CDC42BPB: variants seen among roughly 807,000 people sequenced by gnomAD.
CDC42BPB encodes the protein serine/threonine-protein kinase MRCK beta.
In CDC42BPB, 37 loss-of-function variants were observed where a neutral mutation model predicts 214.9. That is an observed-to-expected ratio of 0.17 (90% CI 0.13 to 0.23). The LOEUF is 0.23. CDC42BPB is among the 10% of genes least tolerant of loss of function. The probability of loss-of-function intolerance (pLI) is 1.00; values close to 1 mark genes in which losing one functional copy is unlikely to be tolerated. For synonymous variants in CDC42BPB, 931 were observed against 884.0 expected (o/e 1.05, Z -0.94); for missense variants, 1,694 against 2,227.0 (o/e 0.76, Z 4.82).
intron 18 of CDC42BPB, 135 bp from the exon 19 acceptor site, chr14:102,964,785 G>A (rs1267302169): frequency 3.8e-6 from 5 of 1,319,624 alleles, no homozygotes; most frequent in Admixed American, 3.9e-5. Context: ...AATTATGGAG[G>A]TGCCTCAGGA....
At chr14:103,032,696 G>T (rs1416552232) in intron 1 of CDC42BPB, among the ~76,000 whole-genome samples, 1 of 142,908 alleles carries the variant, frequency 7.0e-6, no homozygotes, top group Non-Finnish European at 1.5e-5. Context: ...GCAGTGGTGT[G>T]ATCTAGGCTC....
intron 24 of CDC42BPB, among the ~76,000 whole-genome samples, chr14:102,951,010 T>A (rs977361649): frequency 6.6e-6 from 1 of 151,894 alleles, no homozygotes; most frequent in African/African-American, 2.4e-5. Context: ...AATGATCAAG[T>A]CTCACATCAA....
intron 2 of CDC42BPB, among the ~76,000 whole-genome samples, chr14:103,010,737 A>G (rs1227440241): frequency 6.6e-6 from 1 of 152,246 alleles, no homozygotes; most frequent in Admixed American, 6.5e-5. Context: ...GCACAGTTTA[A>G]GAAGCAAAAC....
At chr14:102,951,985 C>T (rs891386324) in intron 24 of CDC42BPB, among the ~76,000 whole-genome samples, 1 of 152,168 alleles carries the variant, frequency 6.6e-6, no homozygotes, top group Non-Finnish European at 1.5e-5. Context: ...CAGAGGCGCA[C>T]AGCACAATGG....
intron 1 of CDC42BPB, among the ~76,000 whole-genome samples, chr14:103,039,182 A>G (rs1034528444): frequency 1.3e-5 from 2 of 151,140 alleles, no homozygotes; most frequent in Admixed American, 6.6e-5. Context: ...TCACAGGTGC[A>G]TCTACCAAAC....
At chr14:103,046,388 G>A (rs1035659095) in intron 1 of CDC42BPB, among the ~76,000 whole-genome samples, 1 of 152,166 alleles carries the variant, frequency 6.6e-6, no homozygotes, top group South Asian at 2.1e-4. Context: ...CATACAGGGA[G>A]TTTCCAATCG....
intron 1 of CDC42BPB, among the ~76,000 whole-genome samples, chr14:103,022,500 GCACATGC>G (rs1460606699): frequency 6.6e-6 from 1 of 152,124 alleles, no homozygotes; most frequent in Non-Finnish European, 1.5e-5. Flanking sequence ...GGGACTACAG[GCACATGC>G]CACCACGCCC....
In CDC42BPB at chr14:102,944,631, C is replaced by T. The variant is rs1166104827; in HGVS notation, c.3812-144G>A. 1.4e-6 allele frequency: 2 copies of T among 1,447,802 alleles called. No individual in the cohort carries two copies. Among genetic ancestry groups the T allele is most frequent in the African/African-American group, 2.9e-5 (2 of 69,720 alleles). 89.7% of individuals were successfully genotyped at this position (1,447,802 alleles called of 1,614,324 possible). ...CTGTGTGCACAGCCTGAGCCCGGCC[C>T]TGAGCCCGTCTCTGCCCACAGAGCC... On this transcript the variant is annotated intron_variant, in intron 29 of 36. Coordinates refer to ENST00000361246, the MANE Select transcript of CDC42BPB (RefSeq NM_006035.4). The surrounding 1 kb of genome is among the most constrained non-coding windows in gnomAD (Gnocchi z 6.6).
At chr14:103,056,918 G>A in intron 1 of CDC42BPB, 81 bp downstream of exon 1, 2 of 1,034,562 alleles carry the variant, frequency 1.9e-6, no homozygotes, top group African/African-American at 1.7e-5. Flanking sequence ...GTCCGGGCGG[G>A]GATGGGCGGG....
rs190838473 is a variant in CDC42BPB, at chr14:103,007,539, C to T, written c.351+933G>A. ...AGAGGGTCTAGAAACCCAAGAAGGA[C>T]TTCCCAAAATGAGGAGGTGGCCACG... On this transcript the variant is annotated intron_variant, in intron 3 of 36. Transcript: ENST00000361246. Among the ~76,000 whole-genome samples, 847 of 152,356 alleles carry T rather than the reference C, an allele frequency of 5.6e-3. 7 individuals are homozygous for T. Among genetic ancestry groups the T allele is most frequent in the Middle Eastern group, 0.01 (3 of 294 alleles).
chr14:102,995,338 C>G (rs576306520), intron 5 of CDC42BPB, among the ~76,000 whole-genome samples: 8 of 152,168 alleles, frequency 5.3e-5, no homozygotes, highest in Admixed American at 3.9e-4. Flanking sequence ...CTAAGCCTGG[C>G]TAATTTTTTG....
intron 9 of CDC42BPB, 134 bp from the exon 10 acceptor site, chr14:102,976,183 TTTA>T (rs1263645970): frequency 1.4e-6 from 2 of 1,456,506 alleles, no homozygotes; most frequent in Admixed American, 5.3e-5. Flanking sequence ...GACTTTATGG[TTTA>T]TGGAACCAAA....
At chr14:102,975,244 C>T (rs756994210) in intron 11 of CDC42BPB, among the ~76,000 whole-genome samples, 1 of 152,182 alleles carries the variant, frequency 6.6e-6, no homozygotes, top group Non-Finnish European at 1.5e-5. Context: ...CCAATTGGGG[C>T]TGGGCGCAGT....
intron 1 of CDC42BPB, among the ~76,000 whole-genome samples, chr14:103,031,987 A>ATTT (rs751445023): frequency 6.9e-6 from 1 of 145,978 alleles, no homozygotes; most frequent in South Asian, 2.1e-4. Context: ...TATTATTATT[A>ATTT]TTATTTTTTT....
At position 103,048,938 on chromosome 14, in the gene CDC42BPB, A is replaced by G. The variant is rs115944461; in HGVS notation, c.175+8061T>C. ...AAAGAAAATAAAGAAAATTCACTCCAATAACACAAAACTATTTCCCTTAGT... is the reference window on the plus strand; with the variant it reads ...AAAGAAAATAAAGAAAATTCACTCCGATAACACAAAACTATTTCCCTTAGT... On this transcript the variant is annotated intron_variant, in intron 1 of 36. Transcript: ENST00000361246. Among the ~76,000 whole-genome samples, 833 of 152,310 alleles carry G rather than the reference A, an allele frequency of 5.5e-3. 10 individuals carry two copies. The highest frequency in any genetic ancestry group is 0.019 in the African/African-American group (800 of 41,578).
intron 1 of CDC42BPB, chr14:103,041,602 G>A: frequency 1.2e-6 from 1 of 867,638 alleles, no homozygotes; most frequent in Non-Finnish European, 1.9e-6. Flanking sequence ...GCCCCACATT[G>A]CCCTGCACAC....
intron 7 of CDC42BPB, chr14:102,981,228 C>T: frequency 1.0e-6 from 1 of 966,436 alleles, no homozygotes; most frequent in Non-Finnish European, 1.2e-6. Context: ...TCATTGTAGA[C>T]TTGTGACCAC....
chr14:103,047,384 C>T (rs1320931161), intron 1 of CDC42BPB, among the ~76,000 whole-genome samples: 2 of 151,974 alleles, frequency 1.3e-5, no homozygotes, highest in African/African-American at 4.8e-5. Context: ...AAAAGACCCA[C>T]CAAAGAACAT....
Position 102,943,010 on chromosome 14 carries a change from A to G in CDC42BPB, c.4408+881T>C, listed in dbSNP as rs1276820287. Among the ~76,000 whole-genome samples the G allele has an allele frequency of 6.6e-6, 1 of 152,210 alleles. No individual in the cohort carries two copies. Among genetic ancestry groups the G allele is most frequent in the African/African-American group, 2.4e-5 (1 of 41,450 alleles). On this transcript the variant is annotated intron_variant, in intron 30 of 36. Coordinates refer to ENST00000361246, the MANE Select transcript of CDC42BPB (RefSeq NM_006035.4). This position sits in a 1 kb window ranked among gnomAD's most constrained non-coding sequence, Gnocchi z 4.6. ...CAGCCTCCTGAGTAGCTGGGACTACAGGCGCCCGCCACCACGCCCGGCTAA... is the reference window on the plus strand; with the variant it reads ...CAGCCTCCTGAGTAGCTGGGACTACGGGCGCCCGCCACCACGCCCGGCTAA...
Sources: gnomAD v4.1 joint callset for allele counts (sites outside exome capture counted in the v4.1 genomes callset) on GRCh38, gnomAD v4.1.1 for gene constraint, Gnocchi (gnomAD v3.1) non-coding constraint, MANE v1.5 for transcripts, NCBI Gene and HGNC (gene_info 2026-07-23, HGNC 2026-07-21) for gene names.